ANTXR1: variants seen among roughly 807,000 people sequenced by gnomAD.
The protein encoded by ANTXR1 is anthrax toxin receptor 1.
In ANTXR1, 19 loss-of-function variants were observed where a neutral mutation model predicts 78.1. That is an observed-to-expected ratio of 0.24 (90% confidence interval 0.17 to 0.36). The LOEUF (loss-of-function observed/expected upper bound fraction) is 0.36. Ranked by LOEUF, ANTXR1 falls within the 10% of genes least tolerant of loss-of-function variation. ANTXR1 has a pLI of 1.00. For synonymous variants in ANTXR1, 273 were observed against 260.5 expected (o/e 1.05, Z -0.46); for missense variants, 518 against 718.6 (o/e 0.72, Z 3.19).
intron 16 of ANTXR1, among the ~76,000 whole-genome samples, chr2:69,187,841 G>A (rs1480451821): frequency 1.3e-5 from 2 of 150,954 alleles, no homozygotes; most frequent in Non-Finnish European, 3.0e-5. Flanking sequence ...TGACCGCCTC[G>A]GCCGCCCATA....
At position 69,182,546 on chromosome 2, in the gene ANTXR1, AAAG is replaced by A; in HGVS notation, c.1242_1244del (p.Lys414del). The A allele has an allele frequency of 6.2e-7, 1 of 1,614,256 alleles. No individual in the cohort carries two copies. Among genetic ancestry groups the A allele is most frequent in the Non-Finnish European group, 8.5e-7 (1 of 1,180,038 alleles). On this transcript the variant is annotated inframe_deletion, in exon 16 of 18. Transcript: ENST00000303714. ...AAGAAGGTGCTAAGTTGGAAAAGGCAAAGAATGCAAGAGTCAAGATGCCGGAGC... is the reference window on the plus strand; with the variant it reads ...AAGAAGGTGCTAAGTTGGAAAAGGCAAATGCAAGAGTCAAGATGCCGGAGC...
At chr2:69,050,687 G>A (rs1470277163) in intron 3 of ANTXR1, among the ~76,000 whole-genome samples, 1 of 152,044 alleles carries the variant, frequency 6.6e-6, no homozygotes, top group African/African-American at 2.4e-5. Context: ...TGCTTTTATC[G>A]TGTTTTCTAA....
At chr2:69,084,438 C>CTTTATTG (rs1670987164) in intron 8 of ANTXR1, among the ~76,000 whole-genome samples, 1 of 152,108 alleles carries the variant, frequency 6.6e-6, no homozygotes, top group Non-Finnish European at 1.5e-5. Flanking sequence ...TAAGAATAAG[C>CTTTATTG]TTTATTGTTT....
intron 17 of ANTXR1, among the ~76,000 whole-genome samples, chr2:69,210,824 T>C (rs1553375922): frequency 6.6e-6 from 1 of 151,350 alleles, no homozygotes; most frequent in Non-Finnish European, 1.5e-5. Flanking sequence ...TAGTCCCAGC[T>C]ACTTGGCAGG....
intron 17 of ANTXR1, among the ~76,000 whole-genome samples, chr2:69,232,227 A>C (rs1675617878): frequency 6.6e-6 from 1 of 152,234 alleles, no homozygotes; most frequent in African/African-American, 2.4e-5. Flanking sequence ...GCTTTAATTA[A>C]ATCGAATCAA....
chr2:69,198,464 A>G (rs1300142690), intron 17 of ANTXR1, among the ~76,000 whole-genome samples: 1 of 152,090 alleles, frequency 6.6e-6, no homozygotes, highest in Non-Finnish European at 1.5e-5. Context: ...TCATATATTA[A>G]TCAAATGTTT....
intron 10 of ANTXR1, among the ~76,000 whole-genome samples, chr2:69,118,391 A>G (rs1332793656): frequency 1.3e-5 from 2 of 152,182 alleles, no homozygotes; most frequent in African/African-American, 4.8e-5. Flanking sequence ...TGATTGCACC[A>G]CTGCACGGCA....
At chr2:69,126,416 T>C (rs1672541105) in intron 12 of ANTXR1, among the ~76,000 whole-genome samples, 2 of 152,182 alleles carry the variant, frequency 1.3e-5, no homozygotes, top group Non-Finnish European at 2.9e-5. Flanking sequence ...AAAAACTGTA[T>C]GCAGAAGTGT....
chr2:69,174,007 C>A (rs1187297703), intron 14 of ANTXR1, among the ~76,000 whole-genome samples: 1 of 152,208 alleles, frequency 6.6e-6, no homozygotes, highest in Non-Finnish European at 1.5e-5. Context: ...ACATTCCTTT[C>A]CTGGAGCCTA....
intron 6 of ANTXR1, among the ~76,000 whole-genome samples, chr2:69,073,311 A>G (rs760702171): frequency 1.3e-5 from 2 of 152,208 alleles, no homozygotes; most frequent in African/African-American, 2.4e-5. Flanking sequence ...TCCCCTTTCA[A>G]AATTTTTACA....
intron 3 of ANTXR1, among the ~76,000 whole-genome samples, chr2:69,057,614 T>C (rs1250093417): frequency 1.3e-5 from 2 of 152,158 alleles, no homozygotes; most frequent in East Asian, 1.9e-4. Context: ...TCTTCCTCCA[T>C]CTGTTTCCCT....
At chr2:69,160,147 TGAC>T (rs1673639626) in intron 13 of ANTXR1, among the ~76,000 whole-genome samples, 1 of 152,148 alleles carries the variant, frequency 6.6e-6, no homozygotes, top group Non-Finnish European at 1.5e-5. Context: ...AGGCTACAGC[TGAC>T]AAGATTATTT....
At chr2:69,179,185 A>C (rs1049292450) in intron 14 of ANTXR1, among the ~76,000 whole-genome samples, 1 of 152,190 alleles carries the variant, frequency 6.6e-6, no homozygotes, top group African/African-American at 2.4e-5. Flanking sequence ...TTCTAAGGTA[A>C]AGTAATATGA....
At chr2:69,121,815 G>A (rs1672356092) in intron 10 of ANTXR1, among the ~76,000 whole-genome samples, 1 of 152,146 alleles carries the variant, frequency 6.6e-6, no homozygotes, top group Admixed American at 6.5e-5. Flanking sequence ...GGCTTGAAGG[G>A]ATGACTATTA....
intron 1 of ANTXR1, among the ~76,000 whole-genome samples, chr2:69,014,144 T>C (rs560307651): frequency 2.4e-4 from 37 of 152,334 alleles, no homozygotes; most frequent in African/African-American, 8.4e-4. Flanking sequence ...TTGCTCCTAA[T>C]CATGTAATGC....
At chr2:69,220,902 T>C (rs1433714254) in intron 17 of ANTXR1, among the ~76,000 whole-genome samples, 1 of 152,160 alleles carries the variant, frequency 6.6e-6, no homozygotes, top group African/African-American at 2.4e-5. Flanking sequence ...TTACCTCAAA[T>C]AGAAAGGGTG....
At chr2:69,226,372 G>C (rs918416299) in intron 17 of ANTXR1, among the ~76,000 whole-genome samples, 1 of 152,142 alleles carries the variant, frequency 6.6e-6, no homozygotes, top group Non-Finnish European at 1.5e-5. Context: ...CCTGTGGAAT[G>C]GGACCTAGTG....
chr2:69,172,055 G>A (rs774302593), intron 14 of ANTXR1, among the ~76,000 whole-genome samples: 1 of 152,186 alleles, frequency 6.6e-6, no homozygotes, highest in Non-Finnish European at 1.5e-5. Flanking sequence ...ACCTGCAGTT[G>A]ATTATACTTG....
chr2:69,043,024 T>G (rs970219281), intron 2 of ANTXR1, among the ~76,000 whole-genome samples: 2 of 152,208 alleles, frequency 1.3e-5, no homozygotes, highest in African/African-American at 4.8e-5. Context: ...CGCTGAGGAC[T>G]TCCAAATTAT....
Sources: allele counts gnomAD v4.1 joint callset (sites outside exome capture counted in the v4.1 genomes callset), GRCh38; gene constraint gnomAD v4.1.1; transcripts MANE v1.5; gene names NCBI Gene and HGNC (gene_info 2026-07-23, HGNC 2026-07-21).